GRAP2: variants seen among roughly 807,000 people sequenced by gnomAD.
The protein encoded by GRAP2 is GRB2 related adaptor protein 2, also known as GRB2-related adapter protein 2.
Under a neutral mutation model 43.5 loss-of-function variants are expected in GRAP2, and 31 were observed. The ratio of observed to expected loss-of-function variants is 0.71; its 90% CI spans 0.54 to 0.96. The LOEUF (loss-of-function observed/expected upper bound fraction) is 0.96, where lower values mean the gene tolerates loss of function less well. Ranked by LOEUF, GRAP2 falls within the 40% of genes least tolerant of loss-of-function variation. The pLI, the probability that GRAP2 is intolerant of heterozygous loss-of-function variation, is 0.00. For synonymous variants in GRAP2, 156 were observed against 164.8 expected, an observed-to-expected ratio of 0.95 and a Z score of 0.41; for missense variants, 371 against 424.4, an observed-to-expected ratio of 0.87 and a Z score of 1.11.
intron 2 of GRAP2, among the ~76,000 whole-genome samples, chr22:39,955,516 A>G (rs548495388): frequency 6.6e-6 from 1 of 152,190 alleles, no homozygotes; most frequent in African/African-American, 2.4e-5. Context: ...TCCAAAATAG[A>G]AAAAGGGATT....
At chr22:39,898,886 T>C (rs1019777402), upstream of GRAP2, among the ~76,000 whole-genome samples, 1 of 152,054 alleles carries the variant, frequency 6.6e-6, no homozygotes, top group Admixed American at 6.5e-5. Context: ...TCAAAAGGAA[T>C]TGATTAAAAA....
intron 1 of GRAP2, among the ~76,000 whole-genome samples, chr22:39,910,883 T>G (rs2145574904): frequency 6.6e-6 from 1 of 152,354 alleles, no homozygotes; most frequent in South Asian, 2.1e-4. Context: ...AGTACTTACC[T>G]GCTGGTGCAG....
At chr22:39,948,118 C>A (rs898346122) in intron 2 of GRAP2, 1 of 152,104 alleles carries the variant, frequency 6.6e-6, no homozygotes, top group Non-Finnish European at 1.5e-5. Flanking sequence ...ATACAAAGAA[C>A]CTTGTCAGCA....
intron 1 of GRAP2, among the ~76,000 whole-genome samples, chr22:39,907,420 G>A (rs1369317110): frequency 6.6e-6 from 1 of 152,166 alleles, no homozygotes. Flanking sequence ...AGGAAAAATT[G>A]TCTTTCTCTA....
rs201778964 is a variant in GRAP2 at position 39,971,026 on chromosome 22, G to T, written c.935G>T (p.Arg312Leu). The T allele has an allele frequency of 6.2e-6, 10 of 1,613,598 alleles. No homozygotes were observed. The highest frequency in any genetic ancestry group is 2.7e-5 in the African/African-American group (2 of 74,872). ...DSSNPSWWTG[R>L]LHNKLGLFPA... is the part of the protein sequence containing the mutation. ...TCCAACCCATCCTGGTGGACCGGCC[G>T]CCTGCACAACAAGCTGGGCCTCTTC... The change falls in exon 8 of 8, where the codon CGC becomes CTC. Residue 312 changes from arginine to leucine, a missense_variant. Transcript: ENST00000344138.
intron 6 of GRAP2, among the ~76,000 whole-genome samples, chr22:39,969,199 A>G (rs1395858292): frequency 6.6e-6 from 1 of 152,200 alleles, no homozygotes; most frequent in Non-Finnish European, 1.5e-5. Flanking sequence ...TCTTGACTGA[A>G]TAAATAAAAC....
chr22:39,964,353 TG>T, intron 4 of GRAP2: 1 of 713,492 alleles, frequency 1.4e-6, no homozygotes, highest in Non-Finnish European at 2.5e-6. Context: ...TGGCAGGGTC[TG>T]GGGAAGGGGC....
intron 4 of GRAP2, chr22:39,964,692 G>A: frequency 5.9e-6 from 2 of 338,596 alleles, no homozygotes; most frequent in African/African-American, 2.6e-5. Flanking sequence ...TGGAGCTGTT[G>A]TACATTTAAG....
At chr22:39,925,205 G>T (rs1420754339) in intron 1 of GRAP2, among the ~76,000 whole-genome samples, 1 of 152,148 alleles carries the variant, frequency 6.6e-6, no homozygotes, top group African/African-American at 2.4e-5. Context: ...ACTAAATCTA[G>T]CAGGGATCAG....
intron 1 of GRAP2, among the ~76,000 whole-genome samples, chr22:39,913,964 C>T (rs1211219371): frequency 6.6e-6 from 1 of 152,126 alleles, no homozygotes; most frequent in African/African-American, 2.4e-5. Flanking sequence ...ATAAAGAACA[C>T]AAACTGCCGT....
intron 1 of GRAP2, among the ~76,000 whole-genome samples, chr22:39,933,840 C>G (rs1008538317): frequency 7.0e-6 from 1 of 143,318 alleles, no homozygotes; most frequent in Non-Finnish European, 1.5e-5. Context: ...GACCCTGTCT[C>G]GAAAAAAAAA....
intron 1 of GRAP2, among the ~76,000 whole-genome samples, chr22:39,924,206 GA>G (rs1432248168): frequency 2.6e-5 from 4 of 152,252 alleles, no homozygotes; most frequent in African/African-American, 9.6e-5. Context: ...AAGCTCCCAG[GA>G]AATGCATGTA....
intron 4 of GRAP2, chr22:39,964,308 C>A: frequency 1.5e-6 from 1 of 678,638 alleles, no homozygotes; most frequent in South Asian, 1.6e-5. Flanking sequence ...AGACTGGCAA[C>A]AAAAGGTGCT....
At chr22:39,967,968 C>T in intron 5 of GRAP2, 74 bp from the exon 6 acceptor site, 4 of 1,536,992 alleles carry the variant, frequency 2.6e-6, no homozygotes, top group Non-Finnish European at 3.5e-6. Flanking sequence ...CTGGGAACAA[C>T]TGCCCGAGGG....
Position 39,973,668 on chromosome 22 carries a change from G to C in GRAP2, c.*2584G>C, listed in dbSNP as rs908916667. The C allele has an allele frequency of 1.1e-4, 17 of 152,362 alleles. No homozygotes were observed. Among genetic ancestry groups the C allele is most frequent in the African/African-American group, 4.1e-4 (17 of 41,560 alleles). 9.4% of individuals were successfully genotyped at this position (152,362 alleles called of 1,614,324 possible). The stretch of plus-strand genomic sequence containing the variant: ...AACCAAACTGTCCACATTATGGAGG[G>C]GAGGGGGAAAGAGAGCTCAACCCCC... On this transcript the variant is annotated 3_prime_UTR_variant, in exon 8 of 8. Coordinates refer to ENST00000344138, the MANE Select transcript of GRAP2 (RefSeq NM_004810.4).
At chr22:39,952,684 C>G (rs1489178666) in intron 2 of GRAP2, among the ~76,000 whole-genome samples, 1 of 152,180 alleles carries the variant, frequency 6.6e-6, no homozygotes, top group African/African-American at 2.4e-5. Flanking sequence ...ATGGGACACA[C>G]TTTTATTCCT....
chr22:39,961,465 A>G lies in GRAP2; in HGVS notation c.290+1291A>G, dbSNP rs538034968. 1.3e-3 allele frequency among the ~76,000 whole-genome samples: 199 copies of G among 152,336 alleles called. 1 individual carries two copies. The highest frequency in any genetic ancestry group is 4.6e-3 in the African/African-American group (193 of 41,578). On this transcript the variant is annotated intron_variant, in intron 4 of 7. Transcript: ENST00000344138. Reference sequence around the variant, plus strand: ...GTTGTAGGCAGCTGAACAAAAAGAAAGGCTACTTCAACACAGTACAGTACA... The same window carrying G: ...GTTGTAGGCAGCTGAACAAAAAGAAGGGCTACTTCAACACAGTACAGTACA...
chr22:39,922,632 G>A (rs904166686), intron 1 of GRAP2, among the ~76,000 whole-genome samples: 1 of 152,174 alleles, frequency 6.6e-6, no homozygotes, highest in Non-Finnish European at 1.5e-5. Context: ...CAATGAGGAG[G>A]GGAGAATGGA....
intron 1 of GRAP2, among the ~76,000 whole-genome samples, chr22:39,939,606 T>C (rs1291473122): frequency 1.4e-5 from 2 of 147,408 alleles, no homozygotes; most frequent in Admixed American, 6.8e-5. Context: ...ATCTCTGACT[T>C]GGGAGGTCCA....
Sources: allele counts gnomAD v4.1 joint callset (sites outside exome capture counted in the v4.1 genomes callset), GRCh38; gene constraint gnomAD v4.1.1; transcripts MANE v1.5; gene names NCBI Gene and HGNC (gene_info 2026-07-23, HGNC 2026-07-21).